The following TMEM63A variants were observed in gnomAD, a reference collection of about 807,000 sequenced individuals.
TMEM63A encodes mechanosensitive cation channel TMEM63A.
Under a neutral mutation model 100.6 loss-of-function variants are expected in TMEM63A, and 76 were observed. The ratio of observed to expected loss-of-function variants is 0.76; its 90% CI spans 0.63 to 0.91. The LOEUF (loss-of-function observed/expected upper bound fraction) is 0.91, where lower values mean the gene tolerates loss of function less well. Ranked by LOEUF, TMEM63A falls within the 40% of genes least tolerant of loss-of-function variation. TMEM63A has a pLI of 0.00. For missense variants in TMEM63A, 876 were observed against 1,008.8 expected, an observed-to-expected ratio of 0.87 and a Z score of 1.78; for synonymous variants, 401 against 401.1, an observed-to-expected ratio of 1.00 and a Z score of 0.00.
Position 225,862,090 on chromosome 1 carries a change from G to C in TMEM63A, c.1085+128C>G. 1 of 1,395,704 alleles carries C rather than the reference G, an allele frequency of 7.2e-7. No individual in the cohort carries two copies. The highest frequency in any genetic ancestry group is 9.7e-7 in the Non-Finnish European group (1 of 1,035,194). 86.5% of individuals were successfully genotyped at this position (1,395,704 alleles called of 1,614,324 possible). On this transcript the variant is annotated intron_variant, in intron 13 of 24. Coordinates refer to ENST00000366835, the MANE Select transcript of TMEM63A (RefSeq NM_014698.3). This position sits in a 1 kb window ranked among gnomAD's most constrained non-coding sequence, Gnocchi z 5.1. ...AGTGTGGGTAGCTGAGGGAGGAGAA[G>C]GAAACACCACAGATAAATCCCAGGG... is the stretch of plus-strand genomic sequence containing the variant.
intron 6 of TMEM63A, among the ~76,000 whole-genome samples, chr1:225,868,355 T>C (rs1282912212): frequency 6.6e-6 from 1 of 152,100 alleles, no homozygotes; most frequent in Non-Finnish European, 1.5e-5. Context: ...CTCACAGCCC[T>C]GTCCTGCTTC....
chr1:225,876,212 C>T (rs1341766877), intron 3 of TMEM63A, among the ~76,000 whole-genome samples: 1 of 151,814 alleles, frequency 6.6e-6, no homozygotes, highest in African/African-American at 2.4e-5. Context: ...CTCTGTACTC[C>T]TCACCTTGGC....
intron 3 of TMEM63A, among the ~76,000 whole-genome samples, chr1:225,874,652 G>A (rs1001026690): frequency 1.3e-5 from 2 of 152,224 alleles, no homozygotes; most frequent in African/African-American, 4.8e-5. Context: ...CGTCAGCCCT[G>A]TCTCTTGCTC....
chr1:225,873,215 C>A (rs1483766628), intron 4 of TMEM63A, among the ~76,000 whole-genome samples: 1 of 152,162 alleles, frequency 6.6e-6, no homozygotes, highest in East Asian at 1.9e-4. Context: ...GCCCTCTGAT[C>A]CCCAGGTGGT....
rs200457337 is a variant in TMEM63A, at chr1:225,857,041, G to C, written c.1378-24C>G. On this transcript the variant is annotated intron_variant, in intron 15 of 24. Coordinates refer to ENST00000366835, the MANE Select transcript of TMEM63A (RefSeq NM_014698.3). Reference sequence around the variant, plus strand: ...TTCTAGGAGAAAGGTCCACAGCAGAGAGAGTCACAGGGGCCGTGGGCCACG... The same window carrying C: ...TTCTAGGAGAAAGGTCCACAGCAGACAGAGTCACAGGGGCCGTGGGCCACG... 8.1e-5 allele frequency: 125 copies of C among 1,550,348 alleles called. 2 individuals are homozygous for C. The African/African-American group carries it at 1.5e-3, about 19-fold the overall frequency.
At chr1:225,860,048 C>T (rs1223848773) in intron 14 of TMEM63A, 1 of 153,286 alleles carries the variant, frequency 6.5e-6, no homozygotes, top group African/African-American at 2.4e-5. Context: ...AAGGCAGGGA[C>T]AAAGGAGTGA....
chr1:225,843,267 G>A (rs374549167), downstream of TMEM63A, among the ~76,000 whole-genome samples: 2 of 152,348 alleles, frequency 1.3e-5, no homozygotes, highest in East Asian at 3.9e-4. Context: ...TCTGATTTGG[G>A]CCTTGGAGGA....
chr1:225,869,916 C>T (rs1670416085), intron 6 of TMEM63A, among the ~76,000 whole-genome samples: 1 of 151,884 alleles, frequency 6.6e-6, no homozygotes, highest in South Asian at 2.1e-4. Flanking sequence ...CTGCCTCAGC[C>T]TCCCAAAGCG....
Position 225,874,383 on chromosome 1 carries a change from A to T in TMEM63A, c.187-16T>A. The T allele has an allele frequency of 1.2e-6, 2 of 1,608,810 alleles. No homozygotes were observed. The highest frequency in any genetic ancestry group is 1.7e-6 in the Non-Finnish European group (2 of 1,177,102). ...AGATTAAGAACTAAAAACAGAAAAG[A>T]AACCAAGTAAAAGCATATTGGATGG... On this transcript the variant is annotated splice_polypyrimidine_tract_variant and intron_variant, in intron 3 of 24. Transcript: ENST00000366835.
At position 225,853,841 on chromosome 1, in the gene TMEM63A, G is replaced by C. The variant is rs373421276; in HGVS notation, c.1635-50C>G. On this transcript the variant is annotated intron_variant, in intron 18 of 24. Coordinates refer to ENST00000366835, the MANE Select transcript of TMEM63A (RefSeq NM_014698.3). The surrounding 1 kb of genome is among the most constrained non-coding windows in gnomAD (Gnocchi z 4.0). ...GTGAGCTGAGAGCCGCTCTTGGAGGGAGAGGAGGGGCCCCTAGGCTGGGCA... is the reference window on the plus strand; with the variant it reads ...GTGAGCTGAGAGCCGCTCTTGGAGGCAGAGGAGGGGCCCCTAGGCTGGGCA... 1.5e-5 allele frequency: 22 copies of C among 1,511,226 alleles called. No individual in the cohort carries two copies. The South Asian group carries it at 2.8e-4, about 19-fold the overall frequency. 93.6% of individuals were successfully genotyped at this position (1,511,226 alleles called of 1,614,324 possible). A position where few individuals can be genotyped will look rare whatever the true frequency, so the allele number is the denominator to read the frequency against.
At position 225,866,687 on chromosome 1, in the gene TMEM63A, G is replaced by A; in HGVS notation, c.567-5C>T. 1 of 1,613,708 alleles carries A rather than the reference G, an allele frequency of 6.2e-7. No homozygotes were observed. Among genetic ancestry groups the A allele is most frequent in the Non-Finnish European group, 8.5e-7 (1 of 1,179,716 alleles). On this transcript the variant is annotated splice_polypyrimidine_tract_variant and splice_region_variant and intron_variant, in intron 8 of 24. Transcript: ENST00000366835. Reference sequence around the variant, plus strand: ...TGCAGCCAAAGGAGGTCATTGCTGAGAGGGAAACCACCTGCCATCAGGGCT... The same window carrying A: ...TGCAGCCAAAGGAGGTCATTGCTGAAAGGGAAACCACCTGCCATCAGGGCT...
At chr1:225,857,646 A>G (rs1255239182) in intron 15 of TMEM63A, among the ~76,000 whole-genome samples, 2 of 152,242 alleles carry the variant, frequency 1.3e-5, no homozygotes, top group African/African-American at 4.8e-5. Flanking sequence ...GAGTAAATTA[A>G]CGATAAAAGA....
intron 17 of TMEM63A, among the ~76,000 whole-genome samples, chr1:225,856,393 G>C (rs1191999817): frequency 6.7e-6 from 1 of 149,106 alleles, no homozygotes; most frequent in African/African-American, 2.5e-5. Flanking sequence ...GGGAGGCCGA[G>C]GCGGGTGGAT....
chr1:225,859,485 G>A, intron 14 of TMEM63A, 136 bp from the exon 15 acceptor site: 2 of 1,054,224 alleles, frequency 1.9e-6, no homozygotes, highest in African/African-American at 1.6e-5. Flanking sequence ...TTCAACTACA[G>A]AAAGACCAAA....
chr1:225,877,309 T>A, intron 3 of TMEM63A, 86 bp downstream of exon 3: 2 of 1,450,368 alleles, frequency 1.4e-6, no homozygotes, highest in Non-Finnish European at 1.9e-6. Flanking sequence ...ATGTCTGACT[T>A]CTCATCTAAG....
intron 15 of TMEM63A, 122 bp from the exon 16 acceptor site, chr1:225,857,139 C>T (rs1669663423): frequency 2.6e-6 from 2 of 779,466 alleles, no homozygotes; most frequent in Non-Finnish European, 3.9e-6. Flanking sequence ...CATCTCTGAC[C>T]CCAGAACCAA....
intron 6 of TMEM63A, 86 bp downstream of exon 6, chr1:225,870,990 C>T: frequency 7.4e-7 from 1 of 1,360,462 alleles, no homozygotes; most frequent in Non-Finnish European, 1.0e-6. Context: ...TAAGATCAAG[C>T]ATCTTGGCTC....
At chr1:225,860,169 C>A (rs1669866046) in intron 14 of TMEM63A, 1 of 152,812 alleles carries the variant, frequency 6.5e-6, no homozygotes, top group African/African-American at 2.4e-5. Context: ...AGAGGCAGAA[C>A]TAGAACCGAG....
chr1:225,865,341 A>G lies in TMEM63A; in HGVS notation c.746+556T>C, dbSNP rs1354075247. Reference sequence around the variant, plus strand: ...CAGGAAAGACTTTCCTCCAGCCTCCATCTGCAGGAATTGGTGGTGCAGATA... The same window carrying G: ...CAGGAAAGACTTTCCTCCAGCCTCCGTCTGCAGGAATTGGTGGTGCAGATA... On this transcript the variant is annotated intron_variant, in intron 10 of 24. Coordinates refer to ENST00000366835, the MANE Select transcript of TMEM63A (RefSeq NM_014698.3). This position sits in a 1 kb window ranked among gnomAD's most constrained non-coding sequence, Gnocchi z 4.6. 1.3e-5 allele frequency: 2 copies of G among 151,434 alleles called. No homozygotes were observed. The highest frequency in any genetic ancestry group is 2.9e-5 in the Non-Finnish European group (2 of 68,338). The allele number at this position is 151,434 out of a possible 1,614,324, so 9.4% of individuals were successfully genotyped here.
Sources: allele counts gnomAD v4.1 joint callset (sites outside exome capture counted in the v4.1 genomes callset), GRCh38; gene constraint gnomAD v4.1.1; non-coding constraint Gnocchi (gnomAD v3.1); transcripts MANE v1.5; gene names NCBI Gene and HGNC (gene_info 2026-07-23, HGNC 2026-07-21).